The following PCLO variants were observed in gnomAD, a reference collection of about 807,000 sequenced individuals.
The protein encoded by PCLO is piccolo presynaptic cytomatrix protein.
A neutral mutation model predicts 427.5 loss-of-function variants in PCLO; 82 were observed. The ratio of observed to expected loss-of-function variants is 0.19; its 90% CI spans 0.16 to 0.23. The LOEUF (loss-of-function observed/expected upper bound fraction) is 0.23, where lower values mean the gene tolerates loss of function less well. PCLO is among the 10% of genes least tolerant of loss of function. PCLO has a pLI of 1.00. For synonymous variants in PCLO, 2,357 were observed against 2,155.4 expected (o/e 1.09, Z -2.59); for missense variants, 6,239 against 6,115.9 (o/e 1.02, Z -0.67).
chr7:82,971,922 T>C (rs541867983), intron 3 of PCLO, among the ~76,000 whole-genome samples: 67 of 151,832 alleles, frequency 4.4e-4, no homozygotes, highest in Non-Finnish European at 6.8e-4. Context: ...ATTTTGACTA[T>C]GCTATTATAA....
At chr7:82,968,477 G>C (rs1795828441) in intron 3 of PCLO, among the ~76,000 whole-genome samples, 1 of 149,528 alleles carries the variant, frequency 6.7e-6, no homozygotes, top group Non-Finnish European at 1.5e-5. Context: ...ACTATTACTT[G>C]GTTGAACCAC....
chr7:83,038,035 ATATT>A lies in PCLO; in HGVS notation c.3301-71552_3301-71549del, dbSNP rs1238527487. On this transcript the variant is annotated intron_variant, in intron 3 of 24. Transcript: ENST00000333891. ...TATATATATATATATATATATTTATATATTTATATATATATCTTTATATATATAT... is the reference window on the plus strand; with the variant it reads ...TATATATATATATATATATATTTATATATATATATATCTTTATATATATAT... 2.8e-4 allele frequency among the ~76,000 whole-genome samples: 14 copies of A among 50,902 alleles called. 1 individual carries two copies. Among genetic ancestry groups the A allele is most frequent in the South Asian group, 9.7e-4 (2 of 2,058 alleles). 33.4% of individuals were successfully genotyped at this position (50,902 alleles called of 152,430 possible).
At chr7:82,760,943 CTT>C (rs767222339) in intron 23 of PCLO, among the ~76,000 whole-genome samples, 159 bp from the exon 24 acceptor site, 1,761 of 60,094 alleles carry the variant, frequency 0.029, 4 homozygotes, top group African/African-American at 0.065. Flanking sequence ...AAAGATATGT[CTT>C]TTTTTTTTTT....
intron 22 of PCLO, among the ~76,000 whole-genome samples, chr7:82,786,391 T>C (rs560792678): frequency 3.9e-5 from 6 of 152,220 alleles, no homozygotes; most frequent in Admixed American, 2.6e-4. Flanking sequence ...TTTGCATATT[T>C]AGAGTTTTAA....
At chr7:82,783,940 T>G (rs1221033769) in intron 22 of PCLO, among the ~76,000 whole-genome samples, 1 of 151,528 alleles carries the variant, frequency 6.6e-6, no homozygotes, top group Non-Finnish European at 1.5e-5. Context: ...ATGTATTACA[T>G]GTATGTATAT....
rs113422666 is a variant in PCLO, at chr7:83,036,249, T to C, written c.3301-69762A>G. Among the ~76,000 whole-genome samples the C allele has an allele frequency of 2.1e-3, 323 of 152,220 alleles. 3 individuals are homozygous for C. Among genetic ancestry groups the C allele is most frequent in the Middle Eastern group, 0.01 (3 of 294 alleles). ...GAATCACCTAGAAGGCTTGATAAAA[T>C]AGATTGTTGAGCTCCATTCCCCAGA... On this transcript the variant is annotated intron_variant, in intron 3 of 24. Transcript: ENST00000333891.
In PCLO at chr7:82,949,792, C is replaced by A. The variant is rs752807396; in HGVS notation, c.10796G>T (p.Gly3599Val). Residue 3599 changes from glycine (G) to valine (V), a missense_variant, in exon 6 of 25, where the codon GGT becomes GTT. By Grantham distance (109) the Gly-to-Val change is moderately radical (BLOSUM62 -3). Coordinates refer to ENST00000333891, the MANE Select transcript of PCLO (RefSeq NM_033026.6). ...ATCTGCCCGGAGGTGAGATGAATAA[C>A]CAATCTCTAAAGGTGTTGGGCGTTT... ...DKKRPTPLEIGYSSHLRADST... is the reference protein window; with the variant it reads ...DKKRPTPLEIVYSSHLRADST... The A allele has an allele frequency of 1.1e-5, 17 of 1,613,736 alleles. No individual in the cohort carries two copies. Among genetic ancestry groups the A allele is most frequent in the Middle Eastern group, 1.6e-4 (1 of 6,062 alleles).
Position 82,915,584 on chromosome 7 carries a change from T to G in PCLO, c.12402A>C (p.Arg4134Ser), listed in dbSNP as rs1794430765. The G allele has an allele frequency of 6.2e-7, 1 of 1,613,432 alleles. No individual in the cohort carries two copies. The highest frequency in any genetic ancestry group is 8.5e-7 in the Non-Finnish European group (1 of 1,179,668). The change falls in exon 7 of 25, where the codon AGA becomes AGC. Residue 4134 changes from arginine (R) to serine (S), a missense_variant. Transcript: ENST00000333891. ...CAAGGTGATCTAAGCTCTCTGTCCCTCTACGAAATTCCTGTTTAATCTGAT... is the reference window on the plus strand; with the variant it reads ...CAAGGTGATCTAAGCTCTCTGTCCCGCTACGAAATTCCTGTTTAATCTGAT... ...LKHQIKQEFR[R>S]GTESLDHLAG... is the part of the protein sequence containing the mutation.
chr7:82,831,444 CATATA>C (rs1419665531), intron 16 of PCLO, among the ~76,000 whole-genome samples: 3 of 151,916 alleles, frequency 2.0e-5, no homozygotes, highest in South Asian at 2.1e-4. Flanking sequence ...AATTTTTATA[CATATA>C]ATATAAATTA....
At chr7:83,084,472 C>G (rs1790180526) in intron 3 of PCLO, among the ~76,000 whole-genome samples, 1 of 152,018 alleles carries the variant, frequency 6.6e-6, no homozygotes, top group Non-Finnish European at 1.5e-5. Context: ...ATGTCTCATT[C>G]TGCCTATATA....
chr7:82,804,071 A>G (rs1350526106), intron 21 of PCLO, among the ~76,000 whole-genome samples: 1 of 152,216 alleles, frequency 6.6e-6, no homozygotes, highest in Non-Finnish European at 1.5e-5. Flanking sequence ...AATTGGAAGG[A>G]TAACAAATTA....
At chr7:83,142,079 C>T (rs7783211) in intron 2 of PCLO, among the ~76,000 whole-genome samples, 68,014 of 151,262 alleles carry the variant, frequency 0.45, 15,731 homozygotes, top group East Asian at 0.67. Flanking sequence ...GCATAATGAC[C>T]AACATCCTCT....
chr7:83,144,259 T>C (rs1022927811), intron 2 of PCLO, among the ~76,000 whole-genome samples: 4 of 152,034 alleles, frequency 2.6e-5, no homozygotes, highest in African/African-American at 7.2e-5. Flanking sequence ...CTGTCTCTAC[T>C]AAAAATACAA....
At chr7:82,775,728 T>A (rs1160074085) in intron 22 of PCLO, among the ~76,000 whole-genome samples, 2 of 152,194 alleles carry the variant, frequency 1.3e-5, no homozygotes, top group Non-Finnish European at 2.9e-5. Context: ...TTTAATGAAG[T>A]CCGATTATTG....
intron 6 of PCLO, among the ~76,000 whole-genome samples, chr7:82,928,276 C>T (rs1021873777): frequency 2.0e-5 from 3 of 152,122 alleles, no homozygotes; most frequent in African/African-American, 7.2e-5. Context: ...AGAATAATGT[C>T]CTTGCAACTA....
intron 3 of PCLO, among the ~76,000 whole-genome samples, chr7:83,003,392 T>C (rs972108647): frequency 1.3e-5 from 2 of 151,792 alleles, no homozygotes; most frequent in African/African-American, 4.8e-5. Flanking sequence ...AATGTTAGCT[T>C]TGATCATTTT....
intron 3 of PCLO, among the ~76,000 whole-genome samples, chr7:83,089,164 C>T (rs1191771120): frequency 6.6e-6 from 1 of 151,776 alleles, no homozygotes; most frequent in Non-Finnish European, 1.5e-5. Flanking sequence ...TACATACACA[C>T]ATATATGTTT....
At chr7:83,103,236 A>G (rs1684321919) in intron 3 of PCLO, among the ~76,000 whole-genome samples, 1 of 151,902 alleles carries the variant, frequency 6.6e-6, no homozygotes, top group African/African-American at 2.4e-5. Flanking sequence ...TCTATTTTTA[A>G]CTTAGCTCGC....
At chr7:82,936,610 G>A (rs1020401617) in intron 6 of PCLO, among the ~76,000 whole-genome samples, 4 of 151,656 alleles carry the variant, frequency 2.6e-5, no homozygotes, top group Non-Finnish European at 5.9e-5. Flanking sequence ...GGCAGAGGTT[G>A]ACAGTTCTTC....
Sources: allele counts gnomAD v4.1 joint callset (sites outside exome capture counted in the v4.1 genomes callset), GRCh38; gene constraint gnomAD v4.1.1; transcripts MANE v1.5; gene names NCBI Gene and HGNC (gene_info 2026-07-23, HGNC 2026-07-21).